The following GABRR2 variants were observed in gnomAD, a reference collection of about 807,000 sequenced individuals.
The protein encoded by GABRR2 is gamma-aminobutyric acid type A receptor subunit rho2.
Under a neutral mutation model 47.0 loss-of-function variants are expected in GABRR2, and 36 were observed. That is an observed-to-expected ratio of 0.77 (90% confidence interval 0.59 to 1.01). The LOEUF (loss-of-function observed/expected upper bound fraction) is 1.01, where lower values mean the gene tolerates loss of function less well. Among genes scored for constraint, GABRR2 ranks in the 50% least tolerant of loss-of-function variants. GABRR2 has a pLI of 0.00. For missense variants in GABRR2, 587 were observed against 594.6 expected (o/e 0.99, Z 0.13); for synonymous variants, 204 against 227.5 (o/e 0.90, Z 0.93).
In GABRR2 at chr6:89,315,082, C is replaced by G. The variant is rs1186734272; in HGVS notation, c.84G>C (p.Trp28Cys). Reference sequence around the variant, plus strand: ...GCTTGGGCATTTCCACCTGCCCTGTCCATCGCTTCCTCTTGGGTTTTCTGC... The same window carrying G: ...GCTTGGGCATTTCCACCTGCCCTGTGCATCGCTTCCTCTTGGGTTTTCTGC... ...VESRKPKRKR[W>C]TGQVEMPKPS... Residue 28 changes from tryptophan to cysteine, a missense_variant, in exon 1 of 9, where the codon TGG (tryptophan) becomes TGC (cysteine). Physicochemically the swap from Trp to Cys is radical, Grantham distance 215 (BLOSUM62 -2). Coordinates refer to ENST00000402938, the MANE Select transcript of GABRR2 (RefSeq NM_002043.5). The G allele has an allele frequency of 6.2e-7, 1 of 1,613,844 alleles. No individual in the cohort carries two copies. The highest frequency in any genetic ancestry group is 8.5e-7 in the Non-Finnish European group (1 of 1,179,816).
At position 89,257,029 on chromosome 6, in the gene GABRR2, G is replaced by T. The variant is rs915810399; in HGVS notation, c.*641C>A. On this transcript the variant is annotated 3_prime_UTR_variant, in exon 9 of 9. Coordinates refer to ENST00000402938, the MANE Select transcript of GABRR2 (RefSeq NM_002043.5). ...GCACAACTTAGAGAAGATCTCTAAG[G>T]AAAGAGACTATTTTCTCATTTCTAC... Among the ~76,000 whole-genome samples, 7 of 152,130 alleles carry T rather than the reference G, an allele frequency of 4.6e-5. No homozygotes were observed. Among genetic ancestry groups the T allele is most frequent in the African/African-American group, 1.7e-4 (7 of 41,416 alleles).
intron 2 of GABRR2, among the ~76,000 whole-genome samples, chr6:89,291,338 C>G (rs1273533210): frequency 3.3e-5 from 5 of 152,100 alleles, no homozygotes; most frequent in African/African-American, 4.8e-5. Flanking sequence ...TTCCTAAAGC[C>G]CAAGACGCAT....
chr6:89,259,927 C>T (rs1256058937), intron 8 of GABRR2, among the ~76,000 whole-genome samples: 1 of 139,678 alleles, frequency 7.2e-6, no homozygotes, highest in Non-Finnish European at 1.5e-5. Context: ...GTTTTTTAGA[C>T]AGGGTCCTGC....
At chr6:89,296,086 C>T (rs1457029211) in intron 2 of GABRR2, among the ~76,000 whole-genome samples, 1 of 152,170 alleles carries the variant, frequency 6.6e-6, no homozygotes, top group East Asian at 1.9e-4. Flanking sequence ...GAATGAGACA[C>T]CTTCTATATC....
intron 1 of GABRR2, chr6:89,302,394 C>A (rs1029139055): frequency 7.0e-6 from 4 of 567,444 alleles, no homozygotes; most frequent in Non-Finnish European, 1.4e-5. Flanking sequence ...AGGAGGCGCT[C>A]TAGGACATCT....
In GABRR2 at chr6:89,271,644, C is replaced by G; in HGVS notation, c.288+11G>C. 2 of 1,607,400 alleles carry G rather than the reference C, an allele frequency of 1.2e-6. No individual in the cohort carries two copies. The highest frequency in any genetic ancestry group is 8.5e-7 in the Non-Finnish European group (1 of 1,176,634). ...GGCTCTCACGCTGTGTCACTGGAGG[C>G]CGCTGCATACCATGTCCACCTCGGA... On this transcript the variant is annotated intron_variant, in intron 3 of 8. Transcript: ENST00000402938.
At chr6:89,286,239 T>C (rs1582453234) in intron 2 of GABRR2, among the ~76,000 whole-genome samples, 1 of 152,270 alleles carries the variant, frequency 6.6e-6, no homozygotes, top group South Asian at 2.1e-4. Context: ...GAGAGTAGAA[T>C]AGTGGTTGCC....
intron 8 of GABRR2, among the ~76,000 whole-genome samples, chr6:89,262,475 A>G (rs955205301): frequency 1.3e-5 from 2 of 151,892 alleles, no homozygotes; most frequent in African/African-American, 4.8e-5. Flanking sequence ...AGGAGGCTGC[A>G]CTCCCCAGCC....
intron 1 of GABRR2, among the ~76,000 whole-genome samples, chr6:89,303,647 G>GAAAAAAAAAAA (rs34541330): frequency 9.7e-6 from 1 of 102,720 alleles, no homozygotes; most frequent in Non-Finnish European, 1.9e-5. Flanking sequence ...TCTTAAGGAG[G>GAAAAAAAAAAA]AAAAAAAAAA....
intron 2 of GABRR2, among the ~76,000 whole-genome samples, chr6:89,298,564 G>A (rs1774595592): frequency 6.6e-6 from 1 of 152,166 alleles, no homozygotes; most frequent in Non-Finnish European, 1.5e-5. Context: ...AAGGAAAAAG[G>A]GAAGCCAGCC....
chr6:89,274,940 C>T (rs545248796), intron 2 of GABRR2, among the ~76,000 whole-genome samples: 6 of 152,160 alleles, frequency 3.9e-5, no homozygotes, highest in African/African-American at 1.2e-4. Context: ...GATTTCTCTT[C>T]TCTGGTGAGA....
rs756954246 is a variant in GABRR2, at chr6:89,267,734, C to T, written c.681G>A (p.Gln227=). 6.2e-7 allele frequency: 1 copy of T among 1,613,934 alleles called. No homozygotes were observed. The highest frequency in any genetic ancestry group is 8.5e-7 in the Non-Finnish European group (1 of 1,179,858). The part of the protein sequence containing the change: ...LKTDEKISLS[Q]FLIQKFHTTS... The stretch of plus-strand genomic sequence containing the variant: ...TTGTGTGAAATTTCTGAATCAGAAA[C>T]TGAGACAAGGAGATCTTCTCATCTG... The change falls in exon 6 of 9, where the codon CAG becomes CAA. Residue 227 remains glutamine (Q), a synonymous_variant. Coordinates refer to ENST00000402938, the MANE Select transcript of GABRR2 (RefSeq NM_002043.5).
At chr6:89,291,303 T>A (rs1203649897) in intron 2 of GABRR2, among the ~76,000 whole-genome samples, 1 of 151,974 alleles carries the variant, frequency 6.6e-6, no homozygotes, top group East Asian at 1.9e-4. Context: ...CCGTCTAGCC[T>A]CCTCCACACA....
At chr6:89,283,575 G>A (rs1774287105) in intron 2 of GABRR2, among the ~76,000 whole-genome samples, 2 of 152,166 alleles carry the variant, frequency 1.3e-5, no homozygotes, top group Admixed American at 1.3e-4. Flanking sequence ...CCATACAAGA[G>A]TATGTATAGC....
intron 1 of GABRR2, chr6:89,302,661 A>G (rs1309705096): frequency 4.6e-6 from 6 of 1,292,666 alleles, no homozygotes; most frequent in Non-Finnish European, 6.5e-6. Context: ...CAAGAACATG[A>G]TGGCTGCCCG....
chr6:89,311,500 C>T (rs1767681314), intron 1 of GABRR2, among the ~76,000 whole-genome samples: 2 of 152,166 alleles, frequency 1.3e-5, no homozygotes, highest in South Asian at 2.1e-4. Flanking sequence ...CACACAGTCT[C>T]GGCCCTCAGA....
chr6:89,289,616 C>T (rs1039936578), intron 2 of GABRR2, among the ~76,000 whole-genome samples: 24 of 151,944 alleles, frequency 1.6e-4, no homozygotes, highest in African/African-American at 5.8e-4. Context: ...CACGCCAGAG[C>T]AGGGGAATAA....
intron 2 of GABRR2, among the ~76,000 whole-genome samples, chr6:89,292,786 AC>A (rs1774484465): frequency 1.1e-5 from 1 of 91,836 alleles, no homozygotes; most frequent in Non-Finnish European, 2.3e-5. Context: ...TATCGTATAT[AC>A]GATATATCGT....
At position 89,258,125 on chromosome 6, in the gene GABRR2, C is replaced by T. The variant is rs189428194; in HGVS notation, c.1087-144G>A. 6.7e-5 allele frequency: 52 copies of T among 771,630 alleles called. No individual in the cohort carries two copies. The African/African-American group carries it at 6.8e-4, about 10-fold the overall frequency. 47.8% of individuals were successfully genotyped at this position (771,630 alleles called of 1,614,324 possible). On this transcript the variant is annotated intron_variant, in intron 8 of 8. Coordinates refer to ENST00000402938, the MANE Select transcript of GABRR2 (RefSeq NM_002043.5). ...GATCTCCAGAGGTTACTTAGTCCAA[C>T]GATCCTCTACCGTGGCTGCATATTA...
Sources: gnomAD v4.1 joint callset for allele counts (sites outside exome capture counted in the v4.1 genomes callset) on GRCh38, gnomAD v4.1.1 for gene constraint, MANE v1.5 for transcripts, NCBI Gene and HGNC (gene_info 2026-07-23, HGNC 2026-07-21) for gene names.